The following RAD54L2 variants were observed in gnomAD, a reference collection of about 807,000 sequenced individuals.
RAD54L2 encodes the protein helicase ARIP4.
A neutral mutation model predicts 138.4 loss-of-function variants in RAD54L2; 27 were observed. The ratio of observed to expected loss-of-function variants is 0.20; its 90% CI spans 0.14 to 0.27. RAD54L2 has a LOEUF of 0.27. RAD54L2 is among the 10% of genes least tolerant of loss of function. RAD54L2 has a pLI of 1.00. For missense variants in RAD54L2, 1,396 were observed against 1,890.2 expected, an observed-to-expected ratio of 0.74 and a Z score of 4.85; for synonymous variants, 644 against 723.2, an observed-to-expected ratio of 0.89 and a Z score of 1.76.
chr3:51,583,392 T>C (rs1187685224), intron 2 of RAD54L2, among the ~76,000 whole-genome samples: 1 of 151,940 alleles, frequency 6.6e-6, no homozygotes, highest in Non-Finnish European at 1.5e-5. Context: ...TTTGGTACTA[T>C]GCCAAAACTC....
intron 2 of RAD54L2, among the ~76,000 whole-genome samples, chr3:51,574,236 AG>A (rs1418354324): frequency 6.6e-6 from 1 of 152,130 alleles, no homozygotes. Flanking sequence ...CTCTTAATCC[AG>A]CCTATCACTG....
chr3:51,544,626 T>C (rs570404140), intron 2 of RAD54L2, among the ~76,000 whole-genome samples: 10 of 152,238 alleles, frequency 6.6e-5, no homozygotes, highest in African/African-American at 2.2e-4. Context: ...TGATTGGAGA[T>C]GGAGTCTTGC....
chr3:51,546,181 C>G (rs1698688273), intron 2 of RAD54L2, among the ~76,000 whole-genome samples: 2 of 151,344 alleles, frequency 1.3e-5, no homozygotes, highest in Admixed American at 1.3e-4. Context: ...TCAGGTGATC[C>G]CCCCTCCTCA....
chr3:51,583,724 G>A (rs1699657065), intron 2 of RAD54L2, among the ~76,000 whole-genome samples: 1 of 151,852 alleles, frequency 6.6e-6, no homozygotes. Flanking sequence ...ACCACGCCCG[G>A]CCGACAAGTG....
intron 21 of RAD54L2, among the ~76,000 whole-genome samples, chr3:51,658,074 G>A (rs1577469795): frequency 6.6e-6 from 1 of 151,454 alleles, no homozygotes; most frequent in African/African-American, 2.4e-5. Flanking sequence ...ACAGGCATGC[G>A]CCACCACGCA....
chr3:51,639,760 C>A, intron 13 of RAD54L2, 90 bp downstream of exon 13: 2 of 1,540,914 alleles, frequency 1.3e-6, no homozygotes, highest in South Asian at 1.2e-5. Context: ...GGATGCATGG[C>A]TAGGGTCTCT....
intron 4 of RAD54L2, among the ~76,000 whole-genome samples, chr3:51,628,894 T>G: frequency 6.6e-6 from 1 of 151,104 alleles, no homozygotes; most frequent in African/African-American, 2.4e-5. Flanking sequence ...TTTTGTATTT[T>G]TAGTAGAGAC....
intron 3 of RAD54L2, among the ~76,000 whole-genome samples, chr3:51,602,074 C>T (rs557852019): frequency 8.6e-5 from 13 of 151,954 alleles, no homozygotes; most frequent in Middle Eastern, 3.4e-3. Flanking sequence ...TCAAGTGATC[C>T]GCCTGCCTTT....
chr3:51,643,152 C>T (rs1701183091), intron 15 of RAD54L2, among the ~76,000 whole-genome samples: 1 of 151,228 alleles, frequency 6.6e-6, no homozygotes, highest in Non-Finnish European at 1.5e-5. Context: ...TCTCCTGCCT[C>T]AGCCTCCCAA....
chr3:51,570,293 G>A (rs903209191), intron 2 of RAD54L2, among the ~76,000 whole-genome samples: 8 of 149,442 alleles, frequency 5.4e-5, no homozygotes, highest in Admixed American at 6.7e-5. Context: ...ACAGGTGCCC[G>A]CCACCACGCC....
chr3:51,566,478 T>G (rs1311731468), intron 2 of RAD54L2, among the ~76,000 whole-genome samples: 2 of 133,632 alleles, frequency 1.5e-5, no homozygotes, highest in Admixed American at 7.5e-5. Context: ...TTTTTTTTTT[T>G]TTTTTTTTTT....
intron 22 of RAD54L2, among the ~76,000 whole-genome samples, chr3:51,661,887 A>G (rs544750531): frequency 6.6e-6 from 1 of 152,336 alleles, no homozygotes; most frequent in South Asian, 2.1e-4. Flanking sequence ...GCATCTGCTA[A>G]GATTAAAGAT....
chr3:51,609,469 G>A (rs1700281295), intron 3 of RAD54L2, among the ~76,000 whole-genome samples: 1 of 152,182 alleles, frequency 6.6e-6, no homozygotes, highest in African/African-American at 2.4e-5. Context: ...TCATCATTAA[G>A]GTTCTGAAGG....
intron 2 of RAD54L2, among the ~76,000 whole-genome samples, chr3:51,561,796 C>T (rs1699105511): frequency 6.6e-6 from 1 of 151,732 alleles, no homozygotes; most frequent in Non-Finnish European, 1.5e-5. Flanking sequence ...CTTAAGCAGT[C>T]CTTCTGCCTC....
At chr3:51,608,499 G>C (rs1000433272) in intron 3 of RAD54L2, among the ~76,000 whole-genome samples, 1 of 152,316 alleles carries the variant, frequency 6.6e-6, no homozygotes, top group Non-Finnish European at 1.5e-5. Context: ...AGGTTGTAGC[G>C]AGCGGAGATC....
chr3:51,549,451 T>G (rs987786881), intron 2 of RAD54L2, among the ~76,000 whole-genome samples: 1 of 152,260 alleles, frequency 6.6e-6, no homozygotes, highest in South Asian at 2.1e-4. Context: ...TTTCTCCTAA[T>G]GTATATTGTA....
At chr3:51,560,755 A>G (rs921391508) in intron 2 of RAD54L2, among the ~76,000 whole-genome samples, 2 of 151,604 alleles carry the variant, frequency 1.3e-5, no homozygotes, top group African/African-American at 4.9e-5. Flanking sequence ...CTTCCAGCAA[A>G]TTTTTTTTCT....
rs1390390076 is a variant in RAD54L2 at position 51,644,903 on chromosome 3, G to T, written c.2451-121G>T. On this transcript the variant is annotated intron_variant, in intron 16 of 22. Coordinates refer to ENST00000684192, the MANE Select transcript of RAD54L2 (RefSeq NM_015106.4). The stretch of plus-strand genomic sequence containing the variant: ...ATCAGCAGGACAGCAAAATCCTTGA[G>T]TATGTTGTACTTAGGGCTTAGGACA... The T allele has an allele frequency of 3.2e-6, 3 of 947,526 alleles. No individual in the cohort carries two copies. In the Admixed American group the frequency reaches 6.6e-5, roughly 21 times the overall value. 58.7% of individuals were successfully genotyped at this position (947,526 alleles called of 1,614,324 possible).
At chr3:51,590,865 G>A (rs971541563) in intron 3 of RAD54L2, among the ~76,000 whole-genome samples, 20 of 152,208 alleles carry the variant, frequency 1.3e-4, no homozygotes, top group African/African-American at 4.6e-4. Context: ...GGAGTCAATG[G>A]CAGAGTTCCT....
Sources: allele counts gnomAD v4.1 joint callset (sites outside exome capture counted in the v4.1 genomes callset), GRCh38; gene constraint gnomAD v4.1.1; transcripts MANE v1.5; gene names NCBI Gene and HGNC (gene_info 2026-07-23, HGNC 2026-07-21).